Variants in SGCZ observed in about 807,000 individuals in gnomAD.
SGCZ encodes zeta-sarcoglycan.
SGCZ carries 40 observed loss-of-function variants against 41.3 expected under a neutral mutation model. The observed-to-expected ratio is 0.97, with a 90% CI of 0.75 to 1.26. SGCZ has a LOEUF of 1.26. Among genes scored for constraint, SGCZ ranks in the 50% most tolerant of loss-of-function variants. SGCZ has a pLI of 0.00. For synonymous variants in SGCZ, 206 were observed against 137.5 expected (o/e 1.50, Z -3.49); for missense variants, 552 against 369.8 (o/e 1.49, Z -4.04).
chr8:14,961,072 A>G (rs1800950476), intron 1 of SGCZ, among the ~76,000 whole-genome samples: 1 of 152,100 alleles, frequency 6.6e-6, no homozygotes, highest in Non-Finnish European at 1.5e-5. Flanking sequence ...TTAACTCTAA[A>G]TTCCTTGGCG....
intron 1 of SGCZ, among the ~76,000 whole-genome samples, chr8:15,158,945 A>T (rs1049443531): frequency 2.6e-5 from 4 of 152,148 alleles, no homozygotes; most frequent in Admixed American, 2.6e-4. Flanking sequence ...CTGTTTCCTG[A>T]TATACAACTC....
chr8:14,329,157 G>A (rs1000282239), intron 2 of SGCZ, among the ~76,000 whole-genome samples: 1 of 152,168 alleles, frequency 6.6e-6, no homozygotes, highest in Non-Finnish European at 1.5e-5. Context: ...TTCACAGACA[G>A]TATAGTGTCA....
chr8:14,735,094 C>T (rs189934684), intron 1 of SGCZ, among the ~76,000 whole-genome samples: 4 of 152,180 alleles, frequency 2.6e-5, no homozygotes, highest in East Asian at 3.9e-4. Flanking sequence ...CATGAATCCC[C>T]AAAAAGACGG....
intron 2 of SGCZ, among the ~76,000 whole-genome samples, chr8:14,460,232 A>T (rs1343426535): frequency 1.3e-5 from 2 of 152,196 alleles, no homozygotes; most frequent in African/African-American, 2.4e-5. Flanking sequence ...GGTACTTTTT[A>T]CTACACATTT....
chr8:15,233,758 A>G (rs940644702), intron 1 of SGCZ, among the ~76,000 whole-genome samples: 1 of 152,184 alleles, frequency 6.6e-6, no homozygotes, highest in Non-Finnish European at 1.5e-5. Flanking sequence ...AATTAAGAAA[A>G]TATTCCAGAA....
chr8:14,347,163 T>C (rs149000319), intron 2 of SGCZ, among the ~76,000 whole-genome samples: 190 of 152,196 alleles, frequency 1.2e-3, no homozygotes, highest in African/African-American at 4.3e-3. Flanking sequence ...TGAGAAAAAC[T>C]ACTCATTTTT....
intron 1 of SGCZ, among the ~76,000 whole-genome samples, chr8:14,676,073 G>C (rs1331093010): frequency 6.6e-6 from 1 of 152,180 alleles, no homozygotes; most frequent in Non-Finnish European, 1.5e-5. Flanking sequence ...AATGAAGTGG[G>C]AGGAATAATT....
intron 2 of SGCZ, among the ~76,000 whole-genome samples, chr8:14,369,927 C>T (rs1249129524): frequency 6.6e-6 from 1 of 151,948 alleles, no homozygotes; most frequent in African/African-American, 2.4e-5. Context: ...TTTCTACAGG[C>T]TAATGACGTC....
At chr8:14,804,608 G>A (rs1801458828) in intron 1 of SGCZ, among the ~76,000 whole-genome samples, 2 of 145,410 alleles carry the variant, frequency 1.4e-5, no homozygotes, top group East Asian at 2.1e-4. Context: ...TCTGATTGGT[G>A]TACCTGAAAG....
intron 1 of SGCZ, among the ~76,000 whole-genome samples, chr8:14,898,407 C>T (rs569782836): frequency 1.5e-3 from 229 of 152,260 alleles, no homozygotes; most frequent in Middle Eastern, 3.4e-3. Context: ...ATGGGAAATG[C>T]GTTGTAAGGC....
chr8:14,099,546 G>T, intron 7 of SGCZ, among the ~76,000 whole-genome samples: 1 of 152,090 alleles, frequency 6.6e-6, no homozygotes, highest in East Asian at 1.9e-4. Context: ...CCAACATGGC[G>T]ACACCCTGTC....
intron 1 of SGCZ, among the ~76,000 whole-genome samples, chr8:14,880,799 G>T (rs2130722640): frequency 6.6e-6 from 1 of 152,226 alleles, no homozygotes; most frequent in Middle Eastern, 3.4e-3. Context: ...ACCGGGACCT[G>T]TTGTGGGGTC....
At chr8:14,139,502 G>A (rs1331124680) in intron 5 of SGCZ, among the ~76,000 whole-genome samples, 1 of 151,960 alleles carries the variant, frequency 6.6e-6, no homozygotes, top group African/African-American at 2.4e-5. Context: ...AATGATAAAG[G>A]GGATATCACC....
In SGCZ at chr8:15,096,270, T is replaced by C. The variant is rs2124025; in HGVS notation, c.39+141315A>G. Among the ~76,000 whole-genome samples, 229 of 151,500 alleles carry C rather than the reference T, an allele frequency of 1.5e-3. No individual in the cohort carries two copies. In the South Asian group the frequency reaches 0.017, roughly 11 times the overall value. ...TTTTGGTAATTTTTTTTTTTTTCAG[T>C]AGAGATGGGGTTTCACCATATTGGC... is the stretch of plus-strand genomic sequence containing the variant. On this transcript the variant is annotated intron_variant, in intron 1 of 7. Transcript: ENST00000382080.
intron 2 of SGCZ, among the ~76,000 whole-genome samples, chr8:14,501,842 TG>T (rs1023828252): frequency 3.3e-5 from 5 of 152,122 alleles, no homozygotes; most frequent in African/African-American, 1.2e-4. Context: ...ATGAGGTAAG[TG>T]ATTTCTATTT....
At chr8:14,360,763 T>G (rs1803482335) in intron 2 of SGCZ, among the ~76,000 whole-genome samples, 2 of 152,328 alleles carry the variant, frequency 1.3e-5, no homozygotes, top group South Asian at 4.1e-4. Flanking sequence ...GCTATGGACA[T>G]TCACGTTCAG....
intron 3 of SGCZ, among the ~76,000 whole-genome samples, chr8:14,296,646 C>A (rs140629499): frequency 1.3e-5 from 2 of 152,096 alleles, no homozygotes; most frequent in African/African-American, 4.8e-5. Context: ...AATGTTAATT[C>A]AAGGTAGACT....
intron 1 of SGCZ, among the ~76,000 whole-genome samples, chr8:15,114,066 C>G (rs114009155): frequency 6.6e-6 from 1 of 152,178 alleles, no homozygotes; most frequent in African/African-American, 2.4e-5. Flanking sequence ...AAACAGATCT[C>G]ATGTTTCCTG....
chr8:14,700,296 T>C (rs1410967769), intron 1 of SGCZ, among the ~76,000 whole-genome samples: 1 of 152,018 alleles, frequency 6.6e-6, no homozygotes, highest in African/African-American at 2.4e-5. Context: ...TGAAATCATG[T>C]CCTTTGCAGC....
Sources: allele counts gnomAD v4.1 joint callset (sites outside exome capture counted in the v4.1 genomes callset), GRCh38; gene constraint gnomAD v4.1.1; transcripts MANE v1.5; gene names NCBI Gene and HGNC (gene_info 2026-07-23, HGNC 2026-07-21).